LARS2: variants seen among roughly 807,000 people sequenced by gnomAD.
LARS2 encodes the protein leucyl-tRNA synthetase 2, mitochondrial, also known as leucine--tRNA ligase, mitochondrial.
In LARS2, 81 loss-of-function variants were observed where a neutral mutation model predicts 116.6. The ratio of observed to expected loss-of-function variants is 0.69; its 90% CI spans 0.58 to 0.84. LARS2 has a LOEUF of 0.84. Among genes scored for constraint, LARS2 ranks in the 40% least tolerant of loss-of-function variants. LARS2 has a pLI of 0.00. For synonymous variants in LARS2, 396 were observed against 407.2 expected (o/e 0.97, Z 0.33); for missense variants, 968 against 1,114.5 (o/e 0.87, Z 1.87).
chr3:45,464,319 C>A (rs1255737693), intron 8 of LARS2, among the ~76,000 whole-genome samples: 1 of 152,174 alleles, frequency 6.6e-6, no homozygotes, highest in Non-Finnish European at 1.5e-5. Flanking sequence ...GAGGCAGGGT[C>A]CAGCCTCCAA....
intron 20 of LARS2, 84 bp from the exon 21 acceptor site, chr3:45,541,745 T>C (rs1700799167): frequency 3.3e-6 from 5 of 1,527,216 alleles, no homozygotes; most frequent in Non-Finnish European, 3.6e-6. Flanking sequence ...AGCCAGGCTG[T>C]GTTGGGATGG....
rs73070309 is a variant in LARS2, at chr3:45,417,259, C to T, written c.364-223C>T. ...AAAATAAAAAGTACTCATGAAAACACCTCCTCAGAGGTAACTTATTGGTGC... is the reference window on the plus strand; with the variant it reads ...AAAATAAAAAGTACTCATGAAAACATCTCCTCAGAGGTAACTTATTGGTGC... On this transcript the variant is annotated intron_variant, in intron 4 of 21. Transcript: ENST00000645846. Among the ~76,000 whole-genome samples the T allele has an allele frequency of 0.18, 27,486 of 152,050 alleles. 2,802 individuals are homozygous for T. Among genetic ancestry groups the T allele is most frequent in the Middle Eastern group, 0.27 (78 of 294 alleles).
At chr3:45,524,496 A>C (rs1700505735) in intron 20 of LARS2, among the ~76,000 whole-genome samples, 1 of 152,222 alleles carries the variant, frequency 6.6e-6, no homozygotes, top group Non-Finnish European at 1.5e-5. Context: ...ACTGTAATTC[A>C]GCACTCTTCA....
At chr3:45,415,958 G>C (rs1698414417) in intron 4 of LARS2, among the ~76,000 whole-genome samples, 1 of 149,338 alleles carries the variant, frequency 6.7e-6, no homozygotes, top group African/African-American at 2.5e-5. Flanking sequence ...TGATGTATAG[G>C]GCTTAGTCCA....
chr3:45,402,046 T>C (rs1011293058), intron 4 of LARS2, among the ~76,000 whole-genome samples: 5 of 152,240 alleles, frequency 3.3e-5, no homozygotes, highest in African/African-American at 1.2e-4. Flanking sequence ...GCATGGCCCA[T>C]TGAACCAAAC....
At chr3:45,419,325 T>G (rs1298774970) in intron 5 of LARS2, among the ~76,000 whole-genome samples, 2 of 152,218 alleles carry the variant, frequency 1.3e-5, no homozygotes, top group African/African-American at 2.4e-5. Context: ...GCTTAAATAA[T>G]ATGGCTTAAA....
At chr3:45,389,871 T>A (rs1443589688) in intron 1 of LARS2, among the ~76,000 whole-genome samples, 1 of 152,034 alleles carries the variant, frequency 6.6e-6, no homozygotes, top group Admixed American at 6.6e-5. Context: ...GTACTTGGAG[T>A]GGCCAAGAAC....
At chr3:45,505,993 G>T (rs1046927621) in intron 15 of LARS2, among the ~76,000 whole-genome samples, 2 of 152,068 alleles carry the variant, frequency 1.3e-5, no homozygotes, top group Non-Finnish European at 2.9e-5. Context: ...TCACTCAAAT[G>T]CATTGCCAAT....
chr3:45,522,958 G>GA (rs1372183387), intron 19 of LARS2, among the ~76,000 whole-genome samples: 10 of 152,090 alleles, frequency 6.6e-5, no homozygotes, highest in Non-Finnish European at 1.3e-4. Flanking sequence ...TACCAATCCT[G>GA]AAAATGTTAC....
chr3:45,479,425 G>A (rs1380864149), intron 10 of LARS2, among the ~76,000 whole-genome samples: 2 of 151,896 alleles, frequency 1.3e-5, no homozygotes, highest in Non-Finnish European at 2.9e-5. Context: ...GAACAGCAGG[G>A]ATCAGGATGG....
rs1397003682 is a variant in LARS2 at position 45,394,436 on chromosome 3, C to T, written c.-18C>T. The T allele has an allele frequency of 6.3e-7, 1 of 1,595,132 alleles. No homozygotes were observed. The highest frequency in any genetic ancestry group is 8.6e-7 in the Non-Finnish European group (1 of 1,162,888). On this transcript the variant is annotated 5_prime_UTR_variant, in exon 3 of 22. Coordinates refer to ENST00000645846, the MANE Select transcript of LARS2 (RefSeq NM_015340.4). ...TGCTTTCTGCCCTCTTTTTCAGGGC[C>T]TTCTCACCTTCTGAAGAATGGCTTC...
At chr3:45,518,918 C>A (rs1700411156) in intron 18 of LARS2, among the ~76,000 whole-genome samples, 1 of 152,082 alleles carries the variant, frequency 6.6e-6, no homozygotes, top group Non-Finnish European at 1.5e-5. Context: ...GGCCTCTGTA[C>A]CCTCTCTATG....
intron 21 of LARS2, among the ~76,000 whole-genome samples, chr3:45,544,510 C>T (rs1052760394): frequency 6.6e-6 from 1 of 152,094 alleles, no homozygotes; most frequent in Non-Finnish European, 1.5e-5. Context: ...GAGTGAGCGC[C>T]GACCCAGGGC....
At chr3:45,526,892 T>G (rs1700538547) in intron 20 of LARS2, among the ~76,000 whole-genome samples, 1 of 152,196 alleles carries the variant, frequency 6.6e-6, no homozygotes, top group Non-Finnish European at 1.5e-5. Flanking sequence ...ATGGGACCTA[T>G]TCTTAAGAAA....
intron 15 of LARS2, among the ~76,000 whole-genome samples, chr3:45,506,344 A>G (rs1202825965): frequency 6.6e-6 from 1 of 152,094 alleles, no homozygotes; most frequent in Non-Finnish European, 1.5e-5. Context: ...CCAGTCAGCC[A>G]CACATGAAAT....
intron 6 of LARS2, chr3:45,421,716 G>A (rs1040698675): frequency 7.2e-5 from 11 of 152,298 alleles, no homozygotes; most frequent in African/African-American, 2.4e-4. Flanking sequence ...CTTACAAGGG[G>A]GTTATCCTAA....
Position 45,516,110 on chromosome 3 carries a change from T to C in LARS2, c.1878T>C (p.His626=). Residue 626 remains histidine, a synonymous_variant, in exon 17 of 22, where the codon CAT becomes CAC. Transcript: ENST00000645846. The part of the protein sequence containing the change: ...EVDLTGSVPV[H]AKTKEKLEVT... ...GGCATCTAGGTTCCGTTCCTGTTCA[T>C]GCAAAAACGAAAGAGAAGTTAGAGG... 1 of 1,614,148 alleles carries C rather than the reference T, an allele frequency of 6.2e-7. No homozygotes were observed. The highest frequency in any genetic ancestry group is 1.3e-5 in the African/African-American group (1 of 75,058).
chr3:45,511,175 A>G (rs1700283892), intron 15 of LARS2, among the ~76,000 whole-genome samples: 1 of 152,172 alleles, frequency 6.6e-6, no homozygotes, highest in Admixed American at 6.5e-5. Context: ...CTCAGAGAAG[A>G]CAGTCCAGAA....
intron 20 of LARS2, among the ~76,000 whole-genome samples, chr3:45,535,251 G>T (rs192922448): frequency 2.6e-5 from 4 of 152,230 alleles, no homozygotes; most frequent in Non-Finnish European, 4.4e-5. Flanking sequence ...CTCAGGATGG[G>T]CTGGGGCAGA....
Sources: gnomAD v4.1 joint callset for allele counts (sites outside exome capture counted in the v4.1 genomes callset) on GRCh38, gnomAD v4.1.1 for gene constraint, MANE v1.5 for transcripts, NCBI Gene and HGNC (gene_info 2026-07-23, HGNC 2026-07-21) for gene names.